Variants in SYT1 observed in about 807,000 individuals in gnomAD.
The protein encoded by SYT1 is synaptotagmin-1.
A neutral mutation model predicts 44.8 loss-of-function variants in SYT1; 8 were observed. The ratio of observed to expected loss-of-function variants is 0.18; its 90% CI spans 0.10 to 0.32. The LOEUF (loss-of-function observed/expected upper bound fraction) is 0.32. SYT1 is among the 10% of genes least tolerant of loss of function. The probability of loss-of-function intolerance (pLI) is 1.00; values close to 1 mark genes in which losing one functional copy is unlikely to be tolerated. For missense variants in SYT1, 286 were observed against 509.3 expected, an observed-to-expected ratio of 0.56 and a Z score of 4.22; for synonymous variants, 154 against 188.8, an observed-to-expected ratio of 0.82 and a Z score of 1.51.
chr12:79,332,401 A>C (rs1881894675), intron 8 of SYT1, among the ~76,000 whole-genome samples: 2 of 152,212 alleles, frequency 1.3e-5, no homozygotes. Context: ...TCGTTTCTGC[A>C]GAATGAACGA....
At chr12:79,416,621 A>G (rs767417098) in intron 9 of SYT1, among the ~76,000 whole-genome samples, 1 of 152,170 alleles carries the variant, frequency 6.6e-6, no homozygotes, top group Non-Finnish European at 1.5e-5. Flanking sequence ...ATAATACACT[A>G]AGGCTTCTCA....
At chr12:79,173,445 C>A (rs181684482) in intron 3 of SYT1, among the ~76,000 whole-genome samples, 135 of 152,154 alleles carry the variant, frequency 8.9e-4, no homozygotes, top group Middle Eastern at 3.4e-3. Flanking sequence ...AGGAAAGGAT[C>A]CCAAAAGATG....
intron 1 of SYT1, among the ~76,000 whole-genome samples, chr12:78,908,383 T>C (rs1038086851): frequency 2.0e-5 from 3 of 151,912 alleles, no homozygotes; most frequent in African/African-American, 4.8e-5. Context: ...TTTCTTTTTT[T>C]TTTTAAGTAC....
chr12:79,106,676 A>G (rs1334772728), intron 3 of SYT1, among the ~76,000 whole-genome samples: 1 of 151,846 alleles, frequency 6.6e-6, no homozygotes, highest in African/African-American at 2.4e-5. Context: ...CAGACCCATA[A>G]TAGCTTCCTA....
rs183220839 is a variant in SYT1, at chr12:79,164,493, A to G, written c.-17-53010A>G. Among the ~76,000 whole-genome samples, 3 of 152,204 alleles carry G rather than the reference A, an allele frequency of 2.0e-5. No individual in the cohort carries two copies. The East Asian group carries it at 5.8e-4, about 29-fold the overall frequency. Reference sequence around the variant, plus strand: ...CCACATCAGGCTTTGCTGTCATGAGATGAGAATAAAGAGAAAGACCTATGT... The same window carrying G: ...CCACATCAGGCTTTGCTGTCATGAGGTGAGAATAAAGAGAAAGACCTATGT... On this transcript the variant is annotated intron_variant, in intron 3 of 10. Transcript: ENST00000261205.
At chr12:79,084,350 G>A (rs1472391422) in intron 3 of SYT1, among the ~76,000 whole-genome samples, 1 of 152,042 alleles carries the variant, frequency 6.6e-6, no homozygotes, top group Non-Finnish European at 1.5e-5. Context: ...AGGGTAAATG[G>A]TACTTTAATA....
chr12:79,070,648 A>G (rs545650182), intron 3 of SYT1, among the ~76,000 whole-genome samples: 11 of 151,966 alleles, frequency 7.2e-5, no homozygotes, highest in Non-Finnish European at 1.3e-4. Context: ...AACTAGAAAG[A>G]TGTACTAAAG....
intron 9 of SYT1, among the ~76,000 whole-genome samples, chr12:79,372,889 GCAC>G (rs1883849378): frequency 6.6e-6 from 1 of 151,808 alleles, no homozygotes; most frequent in Non-Finnish European, 1.5e-5. Flanking sequence ...TGTGTGTTAG[GCAC>G]CTGAAATTCA....
chr12:79,161,566 A>G (rs1222000613), intron 3 of SYT1, among the ~76,000 whole-genome samples: 9 of 152,166 alleles, frequency 5.9e-5, no homozygotes, highest in Non-Finnish European at 1.2e-4. Context: ...AAATACTAAA[A>G]CTACTACTAT....
chr12:79,132,609 C>T (rs1372983802), intron 3 of SYT1, among the ~76,000 whole-genome samples: 1 of 141,624 alleles, frequency 7.1e-6, no homozygotes, highest in African/African-American at 2.6e-5. Context: ...ATGTGGAACT[C>T]TCATACATTG....
At chr12:78,969,459 C>G (rs1868323828) in intron 1 of SYT1, among the ~76,000 whole-genome samples, 1 of 152,118 alleles carries the variant, frequency 6.6e-6, no homozygotes, top group South Asian at 2.1e-4. Context: ...TGGGTAAAAA[C>G]ATATCTTGGT....
At chr12:79,226,653 G>C (rs903159811) in intron 4 of SYT1, among the ~76,000 whole-genome samples, 3 of 152,164 alleles carry the variant, frequency 2.0e-5, no homozygotes, top group East Asian at 3.9e-4. Context: ...ATCAATGTTA[G>C]AAAACACTGC....
At chr12:79,122,318 T>C (rs1265007430) in intron 3 of SYT1, among the ~76,000 whole-genome samples, 1 of 150,866 alleles carries the variant, frequency 6.6e-6, no homozygotes, top group African/African-American at 2.4e-5. Context: ...ATCGAGACCA[T>C]CCTGGCTAAC....
chr12:79,272,261 T>C (rs1253479766), intron 4 of SYT1, among the ~76,000 whole-genome samples: 1 of 152,220 alleles, frequency 6.6e-6, no homozygotes, highest in Non-Finnish European at 1.5e-5. Flanking sequence ...TAGGATGGGC[T>C]AAATGACAGA....
intron 4 of SYT1, 94 bp from the exon 5 acceptor site, chr12:79,285,693 A>G: frequency 5.2e-6 from 5 of 969,612 alleles, no homozygotes; most frequent in Non-Finnish European, 7.7e-6. Flanking sequence ...CAAAAATGCA[A>G]ATGAAAAAAA....
intron 2 of SYT1, among the ~76,000 whole-genome samples, chr12:78,989,171 A>G (rs1869852459): frequency 6.6e-6 from 1 of 152,060 alleles, no homozygotes; most frequent in African/African-American, 2.4e-5. Context: ...TTGTTTTTAT[A>G]TGTTAGGTTT....
At chr12:79,355,352 G>T (rs1883071488) in intron 9 of SYT1, among the ~76,000 whole-genome samples, 1 of 152,140 alleles carries the variant, frequency 6.6e-6, no homozygotes, top group African/African-American at 2.4e-5. Flanking sequence ...AAGGCCAAAG[G>T]TCATACCTAA....
intron 10 of SYT1, among the ~76,000 whole-genome samples, chr12:79,445,281 A>G (rs186747777): frequency 2.0e-5 from 3 of 152,236 alleles, no homozygotes; most frequent in Admixed American, 2.0e-4. Context: ...CATATTTATC[A>G]TCTCAAACAT....
At chr12:78,941,978 C>T (rs1240262992) in intron 1 of SYT1, among the ~76,000 whole-genome samples, 2 of 152,226 alleles carry the variant, frequency 1.3e-5, no homozygotes, top group Non-Finnish European at 1.5e-5. Context: ...GCACTGTCTT[C>T]TAATCATTGA....
Sources: gnomAD v4.1 joint callset for allele counts (sites outside exome capture counted in the v4.1 genomes callset) on GRCh38, gnomAD v4.1.1 for gene constraint, MANE v1.5 for transcripts, NCBI Gene and HGNC (gene_info 2026-07-23, HGNC 2026-07-21) for gene names.